Variants in ARHGAP42 observed in about 807,000 individuals in gnomAD.
ARHGAP42 encodes the protein Rho GTPase activating protein 42.
A neutral mutation model predicts 125.0 loss-of-function variants in ARHGAP42; 63 were observed. The observed-to-expected ratio is 0.50, with a 90% confidence interval of 0.41 to 0.62. The LOEUF is 0.62. ARHGAP42 is among the 20% of genes least tolerant of loss of function. The pLI, the probability that ARHGAP42 is intolerant of heterozygous loss-of-function variation, is 0.00. For missense variants in ARHGAP42, 766 were observed against 1,024.2 expected (o/e 0.75, Z 3.44); for synonymous variants, 339 against 351.0 (o/e 0.97, Z 0.38).
chr11:100,936,789 C>T (rs555791691), intron 8 of ARHGAP42, among the ~76,000 whole-genome samples: 23 of 152,200 alleles, frequency 1.5e-4, no homozygotes, highest in African/African-American at 5.3e-4. Flanking sequence ...TCCTGAGGTT[C>T]GGAAATAAGT....
intron 2 of ARHGAP42, among the ~76,000 whole-genome samples, chr11:100,774,338 C>T (rs1156637371): frequency 2.0e-5 from 3 of 152,148 alleles, no homozygotes; most frequent in East Asian, 1.9e-4. Flanking sequence ...GACGGTACAG[C>T]GTTTTCACTG....
intron 2 of ARHGAP42, among the ~76,000 whole-genome samples, chr11:100,781,337 G>A (rs565440505): frequency 6.6e-6 from 1 of 151,020 alleles, no homozygotes; most frequent in Non-Finnish European, 1.5e-5. Flanking sequence ...TAGAAATGTT[G>A]GCTTGGTTTC....
chr11:100,807,680 G>A (rs1427811938), intron 3 of ARHGAP42, among the ~76,000 whole-genome samples: 2 of 152,156 alleles, frequency 1.3e-5, no homozygotes, highest in Non-Finnish European at 2.9e-5. Flanking sequence ...GAAGACATGG[G>A]ATATGAGCTG....
chr11:100,785,068 G>A (rs887961837), intron 2 of ARHGAP42, among the ~76,000 whole-genome samples: 7 of 152,090 alleles, frequency 4.6e-5, no homozygotes, highest in Admixed American at 3.9e-4. Flanking sequence ...GAGCTAGTTT[G>A]CAGACCAAGA....
chr11:100,812,293 A>G (rs1050312989), intron 3 of ARHGAP42, among the ~76,000 whole-genome samples: 2 of 152,202 alleles, frequency 1.3e-5, no homozygotes, highest in Non-Finnish European at 2.9e-5. Flanking sequence ...GACGAAATTT[A>G]TGGGATTTTA....
At chr11:100,781,603 C>CAGA (rs1208388883) in intron 2 of ARHGAP42, among the ~76,000 whole-genome samples, 1 of 151,964 alleles carries the variant, frequency 6.6e-6, no homozygotes, top group Non-Finnish European at 1.5e-5. Flanking sequence ...TTGTGCAAAA[C>CAGA]AGAAATAAAT....
intron 6 of ARHGAP42, among the ~76,000 whole-genome samples, chr11:100,923,530 C>T (rs954579208): frequency 3.3e-5 from 5 of 152,042 alleles, no homozygotes; most frequent in African/African-American, 9.7e-5. Context: ...TGTAAGATGA[C>T]ATCAGATGTA....
intron 4 of ARHGAP42, among the ~76,000 whole-genome samples, chr11:100,865,935 CAT>C (rs1348115392): frequency 6.6e-6 from 1 of 152,108 alleles, no homozygotes; most frequent in Non-Finnish European, 1.5e-5. Flanking sequence ...AAGTTTGCCT[CAT>C]AGGTTGACTC....
intron 1 of ARHGAP42, among the ~76,000 whole-genome samples, chr11:100,710,866 G>T (rs181358800): frequency 6.6e-6 from 1 of 152,240 alleles, no homozygotes; most frequent in East Asian, 1.9e-4. Context: ...AGAAAATCTC[G>T]TAGGGTGCCT....
At chr11:100,957,738 G>C (rs618907) in intron 12 of ARHGAP42, among the ~76,000 whole-genome samples, 134,198 of 152,126 alleles carry the variant, frequency 0.88, 59,284 homozygotes, top group East Asian at 1. Flanking sequence ...GTAGAGTAAC[G>C]CTGCAGTTAG....
chr11:100,778,176 A>AG (rs1480608352), intron 2 of ARHGAP42, among the ~76,000 whole-genome samples: 1 of 151,946 alleles, frequency 6.6e-6, no homozygotes, highest in Non-Finnish European at 1.5e-5. Context: ...CTGTCTCTTA[A>AG]GAAAAAAAAA....
intron 3 of ARHGAP42, among the ~76,000 whole-genome samples, chr11:100,855,501 T>C (rs2135134304): frequency 6.6e-6 from 1 of 152,098 alleles, no homozygotes; most frequent in African/African-American, 2.4e-5. Flanking sequence ...GCACTGAAAA[T>C]TCCTATCAGA....
intron 18 of ARHGAP42, 27 bp from the exon 19 acceptor site, chr11:100,974,432 A>C: frequency 6.5e-7 from 1 of 1,544,858 alleles, no homozygotes. Context: ...CCTTTTATTG[A>C]CCTTGGTCCA....
intron 2 of ARHGAP42, among the ~76,000 whole-genome samples, chr11:100,793,885 A>G (rs574769317): frequency 4.6e-5 from 7 of 152,022 alleles, no homozygotes; most frequent in Admixed American, 6.6e-5. Context: ...CATCTGGGCA[A>G]CATAGTGAGA....
intron 3 of ARHGAP42, among the ~76,000 whole-genome samples, chr11:100,825,784 T>C (rs1018670469): frequency 6.6e-6 from 1 of 152,218 alleles, no homozygotes; most frequent in Non-Finnish European, 1.5e-5. Context: ...TGTGTGGGCA[T>C]GTACCCACAT....
intron 12 of ARHGAP42, among the ~76,000 whole-genome samples, chr11:100,958,215 G>T (rs562854472): frequency 1.3e-5 from 2 of 151,944 alleles, no homozygotes; most frequent in Non-Finnish European, 2.9e-5. Flanking sequence ...ATTTTAAAAT[G>T]TCTGAATGCT....
chr11:100,728,279 C>CA (rs1861895464), intron 1 of ARHGAP42, among the ~76,000 whole-genome samples: 1 of 152,220 alleles, frequency 6.6e-6, no homozygotes, highest in Non-Finnish European at 1.5e-5. Flanking sequence ...CTCCCACCTG[C>CA]AAAAGGGGTG....
chr11:100,687,347 C>A lies in ARHGAP42; in HGVS notation c.-332C>A, dbSNP rs1028442471. Among the ~76,000 whole-genome samples, 1 of 152,058 alleles carries A rather than the reference C, an allele frequency of 6.6e-6. No homozygotes were observed. The highest frequency in any genetic ancestry group is 2.4e-5 in the African/African-American group (1 of 41,428). ...GGAACTGCCGGAAGTGTCTGCGCGC[C>A]GTGAGAGAAACTTTCCTGCTCCGGC... On this transcript the variant is annotated 5_prime_UTR_variant, in exon 1 of 24. Coordinates refer to ENST00000298815, the MANE Select transcript of ARHGAP42 (RefSeq NM_152432.4).
chr11:100,808,626 C>T (rs11224461), intron 3 of ARHGAP42, among the ~76,000 whole-genome samples: 33,620 of 150,760 alleles, frequency 0.22, 4,652 homozygotes, highest in East Asian at 0.51. Flanking sequence ...AGGATGGTCT[C>T]GATCTCCTGA....
Sources: gnomAD v4.1 joint callset for allele counts (sites outside exome capture counted in the v4.1 genomes callset) on GRCh38, gnomAD v4.1.1 for gene constraint, MANE v1.5 for transcripts, NCBI Gene and HGNC (gene_info 2026-07-23, HGNC 2026-07-21) for gene names.